Variants in DLGAP2 observed in about 807,000 individuals in gnomAD.
The protein encoded by DLGAP2 is DLG associated protein 2.
In DLGAP2, 26 loss-of-function variants were observed where a neutral mutation model predicts 100.3. That is an observed-to-expected ratio of 0.26 (90% confidence interval 0.19 to 0.36). The LOEUF (loss-of-function observed/expected upper bound fraction) is 0.36. Ranked by LOEUF, DLGAP2 falls within the 10% of genes least tolerant of loss-of-function variation. DLGAP2 has a pLI of 1.00. For synonymous variants in DLGAP2, 886 were observed against 630.1 expected, an observed-to-expected ratio of 1.41 and a Z score of -6.08; for missense variants, 1,858 against 1,453.2, an observed-to-expected ratio of 1.28 and a Z score of -4.53.
chr8:1,626,135 G>T (rs532358026), intron 6 of DLGAP2, among the ~76,000 whole-genome samples: 1 of 147,594 alleles, frequency 6.8e-6, no homozygotes, highest in South Asian at 2.1e-4. Context: ...CTGCCCTGTG[G>T]CGGGTGCTCA....
At chr8:1,635,411 C>T (rs1797743483) in intron 8 of DLGAP2, among the ~76,000 whole-genome samples, 1 of 152,172 alleles carries the variant, frequency 6.6e-6, no homozygotes, top group South Asian at 2.1e-4. Flanking sequence ...TACTTAAATA[C>T]TTCTGACTTT....
chr8:1,446,485 G>A (rs1797989443), intron 3 of DLGAP2, among the ~76,000 whole-genome samples: 1 of 152,118 alleles, frequency 6.6e-6, no homozygotes, highest in African/African-American at 2.4e-5. Context: ...TGCTGTTTTG[G>A]TTACTGTTGC....
At chr8:1,202,832 C>A (rs1458475031) in intron 2 of DLGAP2, among the ~76,000 whole-genome samples, 1 of 152,196 alleles carries the variant, frequency 6.6e-6, no homozygotes, top group Non-Finnish European at 1.5e-5. Context: ...AGATGCAGCT[C>A]GAGGAAAAAG....
rs568591918 is a variant in DLGAP2, at chr8:1,208,883, A to C, written c.74-49968A>C. On this transcript the variant is annotated intron_variant, in intron 2 of 14. Transcript: ENST00000637795. ...AGCTGCAAAAATAAATAAATAAATA[A>C]ATAAATAAATAAATAAATAAATAAA... 9.3e-5 allele frequency among the ~76,000 whole-genome samples: 14 copies of C among 150,342 alleles called. No homozygotes were observed. In the South Asian group the frequency reaches 2.7e-3, roughly 29 times the overall value.
intron 2 of DLGAP2, among the ~76,000 whole-genome samples, chr8:1,054,614 C>CACACACACAA (rs1802823476): frequency 6.6e-6 from 1 of 152,116 alleles, no homozygotes; most frequent in African/African-American, 2.4e-5. Flanking sequence ...AATTTATCAT[C>CACACACACAA]CCTCTCTTGG....
In DLGAP2 at chr8:807,285, A is replaced by T. The variant is rs533722387; in HGVS notation, c.18+69460A>T. Among the ~76,000 whole-genome samples the T allele has an allele frequency of 1.6e-3, 212 of 135,626 alleles. 1 individual carries two copies. The highest frequency in any genetic ancestry group is 5.4e-3 in the African/African-American group (195 of 36,064). The allele number at this position is 135,626 out of a possible 152,430, so 89.0% of individuals were successfully genotyped here. A position where few individuals can be genotyped will look rare whatever the true frequency, so the allele number is the denominator to read the frequency against. ...CGTTCTCTCTCCTCTTTTTCTTCTC[A>T]TTCATACGTTCTCTCTCCTCTTTTT... On this transcript the variant is annotated intron_variant, in intron 1 of 14. Coordinates refer to ENST00000637795, the MANE Select transcript of DLGAP2 (RefSeq NM_001346810.2).
At chr8:1,165,490 A>G (rs537035630) in intron 2 of DLGAP2, among the ~76,000 whole-genome samples, 1 of 152,318 alleles carries the variant, frequency 6.6e-6, no homozygotes, top group Non-Finnish European at 1.5e-5. Context: ...GCATCGCACT[A>G]ATTAATGTGT....
chr8:1,436,670 G>A (rs965431276), intron 3 of DLGAP2, among the ~76,000 whole-genome samples: 4 of 152,112 alleles, frequency 2.6e-5, no homozygotes, highest in Admixed American at 2.6e-4. Flanking sequence ...AGTGTGTGTA[G>A]AGTCTACAGT....
chr8:997,239 C>A (rs1039160297), intron 2 of DLGAP2, among the ~76,000 whole-genome samples: 2 of 152,002 alleles, frequency 1.3e-5, no homozygotes, highest in Non-Finnish European at 2.9e-5. Context: ...AAATATTAAC[C>A]CCTACTGATT....
At chr8:893,943 C>T (rs889635369) in intron 1 of DLGAP2, among the ~76,000 whole-genome samples, 7 of 152,234 alleles carry the variant, frequency 4.6e-5, no homozygotes, top group Non-Finnish European at 5.9e-5. Flanking sequence ...TCGGCGTCTC[C>T]GAGTAGCTCA....
intron 4 of DLGAP2, among the ~76,000 whole-genome samples, chr8:1,507,180 A>C (rs1799950827): frequency 6.6e-6 from 1 of 152,234 alleles, no homozygotes; most frequent in East Asian, 1.9e-4. Flanking sequence ...TTGGAGGGTC[A>C]ATGGGACCGG....
At chr8:985,624 C>T (rs370060171) in intron 2 of DLGAP2, among the ~76,000 whole-genome samples, 33 of 152,326 alleles carry the variant, frequency 2.2e-4, no homozygotes, top group African/African-American at 7.2e-4. Flanking sequence ...TGTTTTATAA[C>T]ATGAAATTCT....
chr8:1,491,869 G>C (rs4140956), intron 3 of DLGAP2, among the ~76,000 whole-genome samples: 43,089 of 152,160 alleles, frequency 0.28, 7,052 homozygotes, highest in Middle Eastern at 0.37. Flanking sequence ...TTCGGAAGAT[G>C]ATGTCGTAGT....
At position 1,267,637 on chromosome 8, in the gene DLGAP2, G is replaced by GAAATAAAATCAAATCAAA. The variant is rs1382093781; in HGVS notation, c.106+8754_106+8755insAAATAAAATCAAATCAAA. Among the ~76,000 whole-genome samples the GAAATAAAATCAAATCAAA allele has an allele frequency of 1.8e-3, 169 of 91,954 alleles. 3 individuals carry two copies. Among genetic ancestry groups the GAAATAAAATCAAATCAAA allele is most frequent in the East Asian group, 3.9e-3 (13 of 3,310 alleles). The allele number at this position is 91,954 out of a possible 152,430, so 60.3% of individuals were successfully genotyped here. The stretch of plus-strand genomic sequence containing the variant: ...ATAAGATAAGATAAATATTAAATAG[G>GAAATAAAATCAAATCAAA]TCTACAAAAAGGCCTCCAGGGTCAG... On this transcript the variant is annotated intron_variant, in intron 3 of 14. Transcript: ENST00000637795.
rs1187258495 is a variant in DLGAP2, at chr8:1,642,842, G to C, written c.1810+9796G>C. On this transcript the variant is annotated intron_variant, in intron 8 of 14. Transcript: ENST00000637795. ...CCTCACCTGTGTCACCCTCGAACCC[G>C]CCGGTCCTCACCTGTGTCACCCTCG... Among the ~76,000 whole-genome samples, 6 of 656 alleles carry C rather than the reference G, an allele frequency of 9.1e-3. 3 individuals carry two copies. The highest frequency in any genetic ancestry group is 0.073 in the African/African-American group (6 of 82). 0.4% of individuals were successfully genotyped at this position (656 alleles called of 152,430 possible). A position where few individuals can be genotyped will look rare whatever the true frequency, so the allele number is the denominator to read the frequency against.
intron 14 of DLGAP2, 55 bp from the exon 15 acceptor site, chr8:1,701,133 G>C: frequency 1.3e-6 from 2 of 1,502,732 alleles, no homozygotes; most frequent in Non-Finnish European, 1.8e-6. Flanking sequence ...GAGCTCGCGA[G>C]CTGCTGGGAC....
At chr8:804,291 T>C (rs529932745) in intron 1 of DLGAP2, among the ~76,000 whole-genome samples, 1 of 152,234 alleles carries the variant, frequency 6.6e-6, no homozygotes, top group Admixed American at 6.5e-5. Flanking sequence ...CGTCTGTGTC[T>C]TCTTAGATGT....
intron 2 of DLGAP2, among the ~76,000 whole-genome samples, chr8:1,075,001 A>G (rs2129038101): frequency 6.7e-6 from 1 of 150,170 alleles, no homozygotes; most frequent in African/African-American, 2.5e-5. Context: ...ACCAACAAAC[A>G]GTGCAGCCAG....
intron 2 of DLGAP2, among the ~76,000 whole-genome samples, chr8:1,214,726 G>A (rs1297211713): frequency 6.6e-6 from 1 of 152,234 alleles, no homozygotes; most frequent in East Asian, 1.9e-4. Context: ...CACAGACACA[G>A]CAGGTGTGCC....
Sources: allele counts gnomAD v4.1 joint callset (sites outside exome capture counted in the v4.1 genomes callset), GRCh38; gene constraint gnomAD v4.1.1; transcripts MANE v1.5; gene names NCBI Gene and HGNC (gene_info 2026-07-23, HGNC 2026-07-21).